The following PBX4 variants were observed in gnomAD, a reference collection of about 807,000 sequenced individuals.
PBX4 encodes PBX homeobox 4.
A neutral mutation model predicts 35.1 loss-of-function variants in PBX4; 26 were observed. That is an observed-to-expected ratio of 0.74 (90% CI 0.54 to 1.03). The LOEUF (loss-of-function observed/expected upper bound fraction) is 1.03. PBX4 is among the 50% of genes least tolerant of loss of function. The pLI, the probability that PBX4 is intolerant of heterozygous loss-of-function variation, is 0.00. For synonymous variants in PBX4, 199 were observed against 204.2 expected, an observed-to-expected ratio of 0.97 and a Z score of 0.22; for missense variants, 448 against 504.3, an observed-to-expected ratio of 0.89 and a Z score of 1.07.
At position 19,618,546 on chromosome 19, in the gene PBX4, G is replaced by A; in HGVS notation, c.84C>T (p.Ala28=). 3 of 1,455,626 alleles carry A rather than the reference G, an allele frequency of 2.1e-6. No individual in the cohort carries two copies. Among genetic ancestry groups the A allele is most frequent in the South Asian group, 1.4e-5 (1 of 69,682 alleles). The allele number at this position is 1,455,626 out of a possible 1,614,324, so 90.2% of individuals were successfully genotyped here. A position where few individuals can be genotyped will look rare whatever the true frequency, so the allele number is the denominator to read the frequency against. ...CCTCGTCCAGGCTCTGGTCGGTGAT[G>A]GCCATGATCTGCTGCAGGACGTCGC... ...DTSDVLQQIM[A]ITDQSLDEAQ... is the part of the protein sequence containing the mutation. The change falls in exon 1 of 8, where the codon GCC becomes GCT. Residue 28 remains alanine (A), a synonymous_variant. Transcript: ENST00000251203.
rs775710948 is a variant in PBX4, at chr19:19,618,507, G to A, written c.119+4C>T. 2.0e-6 allele frequency: 3 copies of A among 1,480,240 alleles called. No homozygotes were observed. The highest frequency in any genetic ancestry group is 2.8e-5 in the East Asian group (1 of 36,186). 91.7% of individuals were successfully genotyped at this position (1,480,240 alleles called of 1,614,324 possible). The stretch of plus-strand genomic sequence containing the variant: ...GTGGCCCCTGCCGAGCCCGCGGGCA[G>A]CACCTGGCCTGTGCCTCGTCCAGGC... On this transcript the variant is annotated splice_donor_region_variant and intron_variant, in intron 1 of 7. Coordinates refer to ENST00000251203, the MANE Select transcript of PBX4 (RefSeq NM_025245.3).
chr19:19,562,175 G>A lies in PBX4; in HGVS notation c.1033-58C>T, dbSNP rs2061311161. On this transcript the variant is annotated intron_variant, in intron 7 of 7. Transcript: ENST00000251203. The surrounding 1 kb of genome is among the most constrained non-coding windows in gnomAD (Gnocchi z 4.8). ...TGGCCGTGAGACTGGTGACTACCCA[G>A]CCCACGTGCTGCAGGCGGAGCCTCC... The A allele has an allele frequency of 2.2e-6, 3 of 1,349,478 alleles. No individual in the cohort carries two copies. Among genetic ancestry groups the A allele is most frequent in the Middle Eastern group, 1.9e-4 (1 of 5,334 alleles). 83.6% of individuals were successfully genotyped at this position (1,349,478 alleles called of 1,614,324 possible).
chr19:19,615,003 T>C (rs997245349), intron 1 of PBX4, among the ~76,000 whole-genome samples: 1 of 149,256 alleles, frequency 6.7e-6, no homozygotes, highest in African/African-American at 2.5e-5. Flanking sequence ...CTACTAAAAA[T>C]ACAAAAAAAA....
chr19:19,590,568 A>C, intron 2 of PBX4, among the ~76,000 whole-genome samples: 1 of 151,406 alleles, frequency 6.6e-6, no homozygotes, highest in East Asian at 1.9e-4. Context: ...TCCCAGGTGC[A>C]AGTGATTCTC....
chr19:19,606,807 A>G (rs1371983616), intron 1 of PBX4: 1 of 152,036 alleles, frequency 6.6e-6, no homozygotes, highest in Non-Finnish European at 1.5e-5. Flanking sequence ...CCTGGCCATC[A>G]TGGTGAAACC....
intron 1 of PBX4, chr19:19,606,233 C>T (rs2061630588): frequency 6.6e-6 from 1 of 152,192 alleles, no homozygotes; most frequent in South Asian, 2.1e-4. Flanking sequence ...TCTAAGACTC[C>T]ACCTTAGATG....
At position 19,605,053 on chromosome 19, in the gene PBX4, TA is replaced by T. The variant is rs564421378; in HGVS notation, c.120-5689del. ...TTCTGGAAATTTAACTTTTTCTCTT[TA>T]AAAAAAATATATTTTAATATAAAAA... On this transcript the variant is annotated intron_variant, in intron 1 of 7. Coordinates refer to ENST00000251203, the MANE Select transcript of PBX4 (RefSeq NM_025245.3). Among the ~76,000 whole-genome samples, 21 of 151,722 alleles carry T rather than the reference TA, an allele frequency of 1.4e-4. No individual in the cohort carries two copies. In the East Asian group the frequency reaches 1.5e-3, roughly 11 times the overall value.
At chr19:19,602,544 C>T (rs62137816) in intron 1 of PBX4, among the ~76,000 whole-genome samples, 28,032 of 152,040 alleles carry the variant, frequency 0.18, 3,216 homozygotes, top group East Asian at 0.28. Context: ...GCAATCCTCC[C>T]GCCTCAGCTC....
intron 2 of PBX4, among the ~76,000 whole-genome samples, chr19:19,575,475 T>A (rs1237271833): frequency 1.3e-5 from 2 of 152,040 alleles, no homozygotes; most frequent in African/African-American, 4.8e-5. Flanking sequence ...CTCCTCCTAA[T>A]CTCTCCTGGC....
intron 3 of PBX4, 25 bp from the exon 4 acceptor site, chr19:19,570,324 G>A (rs1239335890): frequency 7.6e-6 from 12 of 1,574,458 alleles, no homozygotes; most frequent in East Asian, 6.8e-5. Flanking sequence ...CAGACACGCC[G>A]GCCTGTGACT....
At chr19:19,608,498 G>C (rs759877138) in intron 1 of PBX4, 1 of 152,260 alleles carries the variant, frequency 6.6e-6, no homozygotes, top group Admixed American at 6.5e-5. Flanking sequence ...TACTTACACT[G>C]TACAAGTCTG....
At chr19:19,568,258 A>T (rs1326711072) in intron 5 of PBX4, among the ~76,000 whole-genome samples, 1 of 144,486 alleles carries the variant, frequency 6.9e-6, no homozygotes, top group African/African-American at 2.6e-5. Flanking sequence ...CTCACACTCC[A>T]TCTGTAACCC....
intron 2 of PBX4, among the ~76,000 whole-genome samples, chr19:19,594,669 C>G (rs1220913662): frequency 6.6e-6 from 1 of 152,140 alleles, no homozygotes; most frequent in Non-Finnish European, 1.5e-5. Flanking sequence ...TCAGCCCCAG[C>G]AGCTCACTGG....
chr19:19,596,179 G>A (rs998223091), intron 2 of PBX4, among the ~76,000 whole-genome samples: 2 of 151,956 alleles, frequency 1.3e-5, no homozygotes, highest in Non-Finnish European at 2.9e-5. Flanking sequence ...GTCACTTGAG[G>A]TCAGGAGTTT....
At chr19:19,569,240 T>G (rs1245475050) in intron 5 of PBX4, among the ~76,000 whole-genome samples, 3 of 152,114 alleles carry the variant, frequency 2.0e-5, no homozygotes, top group Non-Finnish European at 4.4e-5. Context: ...TTAAATTTTT[T>G]GTAGAGACAG....
At chr19:19,581,590 G>A (rs1337735911) in intron 2 of PBX4, among the ~76,000 whole-genome samples, 4 of 152,200 alleles carry the variant, frequency 2.6e-5, no homozygotes, top group African/African-American at 4.8e-5. Flanking sequence ...AGGGCAGAGC[G>A]CCTGCTCCAG....
intron 1 of PBX4, among the ~76,000 whole-genome samples, chr19:19,599,651 A>G (rs903793280): frequency 2.0e-5 from 3 of 152,122 alleles, no homozygotes; most frequent in Admixed American, 2.0e-4. Context: ...CAGCCTGGCC[A>G]GCATGGTGAA....
intron 2 of PBX4, chr19:19,588,385 C>T (rs1343332810): frequency 7.4e-7 from 1 of 1,350,482 alleles, no homozygotes; most frequent in Non-Finnish European, 1.1e-6. Context: ...CTGCTTGCGG[C>T]AAAAGATCAA....
intron 2 of PBX4, among the ~76,000 whole-genome samples, chr19:19,581,510 G>A (rs921230797): frequency 2.6e-5 from 4 of 152,186 alleles, no homozygotes; most frequent in African/African-American, 7.2e-5. Flanking sequence ...ACTGTCTTGC[G>A]GGTGGCGGTG....
Sources: allele counts gnomAD v4.1 joint callset (sites outside exome capture counted in the v4.1 genomes callset), GRCh38; gene constraint gnomAD v4.1.1; non-coding constraint Gnocchi (gnomAD v3.1); transcripts MANE v1.5; gene names NCBI Gene and HGNC (gene_info 2026-07-23, HGNC 2026-07-21).